The following GRID2 variants were observed in gnomAD, a reference collection of about 807,000 sequenced individuals.
GRID2 encodes glutamate receptor ionotropic, delta-2.
Under a neutral mutation model 114.8 loss-of-function variants are expected in GRID2, and 33 were observed. The ratio of observed to expected loss-of-function variants is 0.29; its 90% CI spans 0.22 to 0.38. The LOEUF (loss-of-function observed/expected upper bound fraction) is 0.38, where lower values mean the gene tolerates loss of function less well. Among genes scored for constraint, GRID2 ranks in the 10% least tolerant of loss-of-function variants. The probability of loss-of-function intolerance (pLI) is 1.00; values close to 1 mark genes in which losing one functional copy is unlikely to be tolerated. For missense variants in GRID2, 1,184 were observed against 1,257.7 expected (o/e 0.94, Z 0.89); for synonymous variants, 505 against 449.9 (o/e 1.12, Z -1.55).
intron 14 of GRID2, among the ~76,000 whole-genome samples, chr4:93,703,795 T>C (rs1432519645): frequency 6.6e-6 from 1 of 152,120 alleles, no homozygotes; most frequent in Non-Finnish European, 1.5e-5. Flanking sequence ...GGTTTCCACC[T>C]TCATCCATGT....
chr4:92,390,206 G>A (rs1273710918), intron 1 of GRID2, among the ~76,000 whole-genome samples: 1 of 151,940 alleles, frequency 6.6e-6, no homozygotes, highest in Non-Finnish European at 1.5e-5. Flanking sequence ...GCACACCTGG[G>A]GCTAGTTACC....
chr4:93,220,250 A>T (rs1269924360), intron 6 of GRID2, among the ~76,000 whole-genome samples: 55 of 151,880 alleles, frequency 3.6e-4, no homozygotes, highest in Admixed American at 3.5e-3. Flanking sequence ...ATATATATAT[A>T]TATTTTTTTA....
At chr4:92,651,578 T>C (rs541089144) in intron 2 of GRID2, among the ~76,000 whole-genome samples, 72 of 152,210 alleles carry the variant, frequency 4.7e-4, no homozygotes, top group African/African-American at 1.7e-3. Flanking sequence ...AATATTATTA[T>C]TTTTCATTCT....
intron 14 of GRID2, among the ~76,000 whole-genome samples, chr4:93,644,377 C>T (rs1721911525): frequency 6.6e-6 from 1 of 152,096 alleles, no homozygotes; most frequent in South Asian, 2.1e-4. Flanking sequence ...ACCAATGTTC[C>T]ATGAGCAATG....
chr4:92,347,401 G>A (rs1560579378), intron 1 of GRID2, among the ~76,000 whole-genome samples: 3 of 152,144 alleles, frequency 2.0e-5, no homozygotes, highest in African/African-American at 4.8e-5. Flanking sequence ...AACAATATGT[G>A]TCCACTTTGG....
chr4:92,340,083 C>A (rs1030811741), intron 1 of GRID2, among the ~76,000 whole-genome samples: 1 of 151,756 alleles, frequency 6.6e-6, no homozygotes, highest in Admixed American at 6.6e-5. Context: ...TTTAAATGAA[C>A]AATAAAAAAT....
Position 93,379,607 on chromosome 4 carries a change from C to T in GRID2, c.1246-16000C>T, listed in dbSNP as rs116503719. Reference sequence around the variant, plus strand: ...TTATTAAACTAATTACAACATATTGCGCAAAATAAAATACTTTGAATCAGA... The same window carrying T: ...TTATTAAACTAATTACAACATATTGTGCAAAATAAAATACTTTGAATCAGA... On this transcript the variant is annotated intron_variant, in intron 8 of 15. Coordinates refer to ENST00000282020, the MANE Select transcript of GRID2 (RefSeq NM_001510.4). 6.1e-3 allele frequency among the ~76,000 whole-genome samples: 930 copies of T among 152,106 alleles called. 3 individuals carry two copies. Among genetic ancestry groups the T allele is most frequent in the Non-Finnish European group, 1.0e-2 (678 of 67,982 alleles).
chr4:92,601,593 A>G (rs1237044339), intron 2 of GRID2, among the ~76,000 whole-genome samples: 5 of 152,170 alleles, frequency 3.3e-5, no homozygotes, highest in Non-Finnish European at 7.4e-5. Context: ...AAGATGTCAA[A>G]TTGACATCCT....
intron 1 of GRID2, among the ~76,000 whole-genome samples, chr4:92,574,417 T>G (rs911156661): frequency 4.9e-5 from 7 of 141,932 alleles, no homozygotes; most frequent in African/African-American, 2.1e-4. Flanking sequence ...TTTAGTATTT[T>G]TTTTTTTTTT....
chr4:93,458,881 G>C (rs1171080679), intron 11 of GRID2, among the ~76,000 whole-genome samples: 1 of 152,152 alleles, frequency 6.6e-6, no homozygotes, highest in Admixed American at 6.5e-5. Context: ...ATGTAAAGAA[G>C]AGTAAGGGTA....
intron 2 of GRID2, among the ~76,000 whole-genome samples, chr4:92,656,941 A>G (rs1196839526): frequency 1.3e-5 from 2 of 151,724 alleles, no homozygotes; most frequent in African/African-American, 2.4e-5. Flanking sequence ...AATATAGAGG[A>G]TGCTAAAACA....
exon 2 of GRID2, chr4:93,807,512 G>C (rs1358873784): frequency 6.6e-6 from 1 of 152,040 alleles, no homozygotes; most frequent in Non-Finnish European, 1.5e-5. Context: ...GCCATCAAAT[G>C]TCTACATTTT....
chr4:93,026,110 TAACA>T (rs1723861013), intron 2 of GRID2, among the ~76,000 whole-genome samples: 1 of 151,830 alleles, frequency 6.6e-6, no homozygotes, highest in Non-Finnish European at 1.5e-5. Context: ...TATTTTTGAC[TAACA>T]AACTGTAAAA....
rs1727498592 is a variant in GRID2, at chr4:93,058,723, T to G, written c.245-26272T>G. ...TACTGAATTTTCTTAAGGCATCATA[T>G]ATGTACATTTTTAATGTTTAAAAAT... On this transcript the variant is annotated intron_variant, in intron 2 of 15. Transcript: ENST00000282020. Among the ~76,000 whole-genome samples the G allele has an allele frequency of 2.0e-5, 3 of 152,128 alleles. No homozygotes were observed. The South Asian group carries it at 6.2e-4, about 32-fold the overall frequency.
chr4:93,377,185 A>C (rs1425306949), intron 8 of GRID2, among the ~76,000 whole-genome samples: 2 of 152,170 alleles, frequency 1.3e-5, no homozygotes, highest in African/African-American at 4.8e-5. Context: ...TAATGAGTTG[A>C]TAATTGTTTC....
chr4:92,467,035 G>C (rs1243375923), intron 1 of GRID2, among the ~76,000 whole-genome samples: 2 of 151,632 alleles, frequency 1.3e-5, no homozygotes, highest in Non-Finnish European at 3.0e-5. Context: ...TCATTGCAAA[G>C]TTATTACTAT....
At chr4:92,713,090 C>T (rs1442870696) in intron 2 of GRID2, among the ~76,000 whole-genome samples, 3 of 151,450 alleles carry the variant, frequency 2.0e-5, no homozygotes, top group African/African-American at 2.4e-5. Context: ...TGGTGTGCTG[C>T]ACCCACTAAC....
At chr4:93,647,679 A>G (rs1369426604) in intron 14 of GRID2, among the ~76,000 whole-genome samples, 1 of 152,194 alleles carries the variant, frequency 6.6e-6, no homozygotes, top group African/African-American at 2.4e-5. Flanking sequence ...GCAGATCCAC[A>G]CAAGAATATA....
intron 14 of GRID2, among the ~76,000 whole-genome samples, chr4:93,702,455 G>T (rs1281179832): frequency 6.6e-6 from 1 of 152,006 alleles, no homozygotes; most frequent in South Asian, 2.1e-4. Flanking sequence ...GTATTCCATC[G>T]TAGGAATGCA....
Sources: allele counts gnomAD v4.1 joint callset (sites outside exome capture counted in the v4.1 genomes callset), GRCh38; gene constraint gnomAD v4.1.1; transcripts MANE v1.5; gene names NCBI Gene and HGNC (gene_info 2026-07-23, HGNC 2026-07-21).